Variants in XYLT1 observed in about 807,000 individuals in gnomAD.
XYLT1 encodes the protein xylosyltransferase 1.
In XYLT1, 36 loss-of-function variants were observed where a neutral mutation model predicts 91.3. The observed-to-expected ratio is 0.39, with a 90% CI of 0.30 to 0.52. The LOEUF (loss-of-function observed/expected upper bound fraction) is 0.52. XYLT1 is among the 20% of genes least tolerant of loss of function. The pLI, the probability that XYLT1 is intolerant of heterozygous loss-of-function variation, is 0.68. For missense variants in XYLT1, 1,242 were observed against 1,284.5 expected (o/e 0.97, Z 0.51); for synonymous variants, 588 against 532.0 (o/e 1.11, Z -1.45).
At chr16:17,123,602 A>G (rs975131802) in intron 10 of XYLT1, among the ~76,000 whole-genome samples, 5 of 152,164 alleles carry the variant, frequency 3.3e-5, no homozygotes, top group African/African-American at 9.7e-5. Flanking sequence ...CATATGGTCT[A>G]TCTTGGAGAA....
At chr16:17,161,896 G>A (rs2031564189) in intron 5 of XYLT1, among the ~76,000 whole-genome samples, 1 of 152,060 alleles carries the variant, frequency 6.6e-6, no homozygotes, top group African/African-American at 2.4e-5. Context: ...ACCACCATGG[G>A]AGTCACTGGG....
At chr16:17,374,809 G>A (rs2035577118) in intron 1 of XYLT1, among the ~76,000 whole-genome samples, 1 of 152,124 alleles carries the variant, frequency 6.6e-6, no homozygotes, top group Non-Finnish European at 1.5e-5. Flanking sequence ...TGAAACAAAT[G>A]AGCAGCTAAA....
At position 17,416,575 on chromosome 16, in the gene XYLT1, C is replaced by T. The variant is rs114334591; in HGVS notation, c.363+53859G>A. Among the ~76,000 whole-genome samples, 173 of 152,278 alleles carry T rather than the reference C, an allele frequency of 1.1e-3. 1 individual carries two copies. The highest frequency in any genetic ancestry group is 4.0e-3 in the African/African-American group (167 of 41,564). ...AGCCTGTGCAGCTAGGAGGCTGCCACGCACATCGGCAGACTCTGGCTTTCA... is the reference window on the plus strand; with the variant it reads ...AGCCTGTGCAGCTAGGAGGCTGCCATGCACATCGGCAGACTCTGGCTTTCA... On this transcript the variant is annotated intron_variant, in intron 1 of 11. Transcript: ENST00000261381.
chr16:17,332,579 C>T lies in XYLT1; in HGVS notation c.402+25433G>A, dbSNP rs868118334. ...TCCATCACACACATACACACACACACACACACACACACACACACACACACA... is the reference window on the plus strand; with the variant it reads ...TCCATCACACACATACACACACACATACACACACACACACACACACACACA... On this transcript the variant is annotated intron_variant, in intron 2 of 11. Transcript: ENST00000261381. 2.3e-3 allele frequency among the ~76,000 whole-genome samples: 345 copies of T among 149,238 alleles called. 1 individual carries two copies. Among genetic ancestry groups the T allele is most frequent in the African/African-American group, 4.6e-3 (189 of 40,680 alleles).
chr16:17,114,616 C>A (rs1299730716), intron 11 of XYLT1, among the ~76,000 whole-genome samples: 1 of 152,136 alleles, frequency 6.6e-6, no homozygotes, highest in African/African-American at 2.4e-5. Flanking sequence ...CTCAAGGCAC[C>A]TCCTCCCCAT....
At chr16:17,239,720 AGTCT>A (rs1364914733) in intron 3 of XYLT1, among the ~76,000 whole-genome samples, 1 of 150,672 alleles carries the variant, frequency 6.6e-6, no homozygotes, top group Non-Finnish European at 1.5e-5. Context: ...CCACCCACCG[AGTCT>A]GTCTGTCCTT....
intron 2 of XYLT1, among the ~76,000 whole-genome samples, chr16:17,274,647 C>T (rs898636219): frequency 5.9e-5 from 9 of 151,938 alleles, no homozygotes; most frequent in African/African-American, 2.2e-4. Context: ...GGTCTGGGGT[C>T]CAAGGAGAAT....
intron 2 of XYLT1, among the ~76,000 whole-genome samples, chr16:17,291,632 G>A (rs1274220559): frequency 1.3e-5 from 2 of 151,776 alleles, no homozygotes; most frequent in Non-Finnish European, 2.9e-5. Context: ...GGTCAAATAC[G>A]GTGCTGAGGA....
intron 9 of XYLT1, among the ~76,000 whole-genome samples, chr16:17,131,992 A>G (rs1334633610): frequency 6.7e-6 from 1 of 149,408 alleles, no homozygotes; most frequent in African/African-American, 2.5e-5. Context: ...GCTCGAGGCA[A>G]CGTGACGGCT....
At chr16:17,414,827 C>T (rs960913904) in intron 1 of XYLT1, among the ~76,000 whole-genome samples, 7 of 152,064 alleles carry the variant, frequency 4.6e-5, no homozygotes, top group South Asian at 2.1e-4. Flanking sequence ...AGTTATGGAA[C>T]GGGGACCAGG....
intron 3 of XYLT1, among the ~76,000 whole-genome samples, chr16:17,257,060 G>A (rs2033644121): frequency 6.6e-6 from 1 of 152,192 alleles, no homozygotes; most frequent in Non-Finnish European, 1.5e-5. Context: ...CTCATTTAAG[G>A]GTCTTTTCCC....
intron 3 of XYLT1, among the ~76,000 whole-genome samples, chr16:17,239,409 CATCCATCCATG>C (rs1002550245): frequency 4.1e-4 from 61 of 149,840 alleles, no homozygotes; most frequent in Non-Finnish European, 1.6e-4. Flanking sequence ...CCACCCAGTC[CATCCATCCATG>C]ATCCATCCAT....
chr16:17,382,920 G>A (rs1427572445), intron 1 of XYLT1, among the ~76,000 whole-genome samples: 2 of 151,874 alleles, frequency 1.3e-5, no homozygotes, highest in Non-Finnish European at 2.9e-5. Context: ...CAAGGTCACA[G>A]TCACTGGCAA....
At chr16:17,395,055 G>A (rs1316440952) in intron 1 of XYLT1, among the ~76,000 whole-genome samples, 1 of 152,180 alleles carries the variant, frequency 6.6e-6, no homozygotes, top group Non-Finnish European at 1.5e-5. Context: ...AGTTCCACAT[G>A]GGCTGGGGAG....
chr16:17,327,823 A>T (rs142396776), intron 2 of XYLT1, among the ~76,000 whole-genome samples: 1 of 152,002 alleles, frequency 6.6e-6, no homozygotes, highest in African/African-American at 2.4e-5. Flanking sequence ...AACTCAGTCA[A>T]CCTTTTCTGT....
At chr16:17,158,418 T>C (rs747274227) in intron 6 of XYLT1, among the ~76,000 whole-genome samples, 8 of 152,230 alleles carry the variant, frequency 5.3e-5, no homozygotes, top group Non-Finnish European at 1.0e-4. Flanking sequence ...GAACAGCAAC[T>C]GGCACACGCC....
At chr16:17,335,157 T>C (rs1308327739) in intron 2 of XYLT1, among the ~76,000 whole-genome samples, 2 of 151,234 alleles carry the variant, frequency 1.3e-5, no homozygotes, top group Non-Finnish European at 2.9e-5. Flanking sequence ...CGCGGGGACG[T>C]TGCAGTGAGC....
intron 2 of XYLT1, among the ~76,000 whole-genome samples, chr16:17,326,688 G>A (rs2034807766): frequency 1.3e-5 from 2 of 152,058 alleles, no homozygotes; most frequent in African/African-American, 4.8e-5. Context: ...AGCCGGGCGT[G>A]GTGGCAGGCA....
intron 2 of XYLT1, among the ~76,000 whole-genome samples, chr16:17,261,720 A>G (rs953734592): frequency 6.6e-6 from 1 of 152,188 alleles, no homozygotes; most frequent in Non-Finnish European, 1.5e-5. Context: ...GACAGTAAGC[A>G]GCAGCCACGA....
Sources: gnomAD v4.1 joint callset for allele counts (sites outside exome capture counted in the v4.1 genomes callset) on GRCh38, gnomAD v4.1.1 for gene constraint, MANE v1.5 for transcripts, NCBI Gene and HGNC (gene_info 2026-07-23, HGNC 2026-07-21) for gene names.